Variants in ANKS1B observed in about 807,000 individuals in gnomAD.
ANKS1B encodes the protein ankyrin repeat and sterile alpha motif domain-containing protein 1B.
ANKS1B carries 36 observed loss-of-function variants against 148.3 expected under a neutral mutation model. That is an observed-to-expected ratio of 0.24 (90% confidence interval 0.19 to 0.32). The LOEUF is 0.32. Among genes scored for constraint, ANKS1B ranks in the 10% least tolerant of loss-of-function variants. ANKS1B has a pLI of 1.00. For synonymous variants in ANKS1B, 542 were observed against 560.8 expected (o/e 0.97, Z 0.47); for missense variants, 1,157 against 1,542.6 (o/e 0.75, Z 4.19).
At chr12:99,564,819 T>C (rs575078938) in intron 9 of ANKS1B, among the ~76,000 whole-genome samples, 1 of 152,266 alleles carries the variant, frequency 6.6e-6, no homozygotes, top group East Asian at 1.9e-4. Context: ...TTACATTCAT[T>C]ACCACTGCTT....
At chr12:99,899,805 C>T (rs1030414579) in intron 1 of ANKS1B, among the ~76,000 whole-genome samples, 94 of 152,138 alleles carry the variant, frequency 6.2e-4, no homozygotes, top group East Asian at 3.9e-3. Context: ...ATAATCTACC[C>T]TCAGGGAATT....
intron 10 of ANKS1B, among the ~76,000 whole-genome samples, chr12:99,464,487 C>T (rs1373917792): frequency 6.6e-6 from 1 of 152,076 alleles, no homozygotes; most frequent in African/African-American, 2.4e-5. Flanking sequence ...GACGATCAAA[C>T]TACTCCAAGC....
At chr12:98,747,973 G>A (rs1229825257) in intron 26 of ANKS1B, among the ~76,000 whole-genome samples, 1 of 152,200 alleles carries the variant, frequency 6.6e-6, no homozygotes, top group African/African-American at 2.4e-5. Context: ...TAGGGATGAA[G>A]AGAGATTGGT....
chr12:99,602,392 G>A (rs1279706838), intron 9 of ANKS1B, among the ~76,000 whole-genome samples: 1 of 152,074 alleles, frequency 6.6e-6, no homozygotes, highest in Non-Finnish European at 1.5e-5. Context: ...TATGGTGTGA[G>A]TAATCAGATA....
chr12:99,669,955 G>A (rs2098528696), intron 8 of ANKS1B, among the ~76,000 whole-genome samples: 1 of 152,010 alleles, frequency 6.6e-6, no homozygotes, highest in African/African-American at 2.4e-5. Context: ...TTTCTATTAG[G>A]GATCACAGTC....
At chr12:99,146,454 G>C (rs769555612) in intron 15 of ANKS1B, among the ~76,000 whole-genome samples, 1 of 152,100 alleles carries the variant, frequency 6.6e-6, no homozygotes, top group Non-Finnish European at 1.5e-5. Context: ...AGGTGAAGAA[G>C]GAAGAAAAAG....
At chr12:99,135,642 CA>C (rs1279251961) in intron 15 of ANKS1B, among the ~76,000 whole-genome samples, 3 of 152,176 alleles carry the variant, frequency 2.0e-5, no homozygotes, top group African/African-American at 7.2e-5. Flanking sequence ...CATACTAAGC[CA>C]CGCTATTAAT....
chr12:99,533,656 G>A (rs1386471311), intron 9 of ANKS1B, among the ~76,000 whole-genome samples: 1 of 152,092 alleles, frequency 6.6e-6, no homozygotes, highest in Non-Finnish European at 1.5e-5. Context: ...TCAGTATGAT[G>A]TTGGCTGTGG....
intron 11 of ANKS1B, among the ~76,000 whole-genome samples, chr12:99,439,654 C>T (rs894316419): frequency 2.6e-5 from 4 of 151,474 alleles, no homozygotes; most frequent in Non-Finnish European, 5.9e-5. Context: ...GTTTAAAAGG[C>T]GAGAATGTGG....
At chr12:98,888,326 T>A (rs2152612166) in intron 17 of ANKS1B, among the ~76,000 whole-genome samples, 1 of 152,342 alleles carries the variant, frequency 6.6e-6, no homozygotes, top group Middle Eastern at 3.4e-3. Flanking sequence ...TCATTCCACA[T>A]CTCTCCCTTT....
chr12:99,654,068 A>G (rs1244842361), intron 9 of ANKS1B, among the ~76,000 whole-genome samples: 1 of 152,210 alleles, frequency 6.6e-6, no homozygotes, highest in East Asian at 1.9e-4. Context: ...TGTATTTACA[A>G]CAATTCTGTA....
At chr12:98,843,664 G>T (rs2099424420) in intron 17 of ANKS1B, among the ~76,000 whole-genome samples, 1 of 152,180 alleles carries the variant, frequency 6.6e-6, no homozygotes, top group Non-Finnish European at 1.5e-5. Flanking sequence ...AGTTTAATCG[G>T]TGATACTGAA....
intron 9 of ANKS1B, chr12:99,648,413 T>G: frequency 6.2e-7 from 1 of 1,614,148 alleles, no homozygotes; most frequent in Non-Finnish European, 8.5e-7. Context: ...AGCCCCTGCC[T>G]CACACTACCT....
chr12:98,804,197 C>A (rs1002750200), intron 20 of ANKS1B, among the ~76,000 whole-genome samples: 3 of 152,152 alleles, frequency 2.0e-5, no homozygotes, highest in African/African-American at 7.2e-5. Context: ...ATTTCATTTT[C>A]TTTGTGGCCT....
chr12:99,419,048 A>AT (rs2095001013), intron 11 of ANKS1B, among the ~76,000 whole-genome samples: 2 of 152,078 alleles, frequency 1.3e-5, no homozygotes, highest in African/African-American at 4.8e-5. Context: ...TTTGTTAGGA[A>AT]TTTTTTGTCT....
At chr12:99,399,548 C>G in intron 12 of ANKS1B, 83 bp downstream of exon 12, 2 of 1,432,794 alleles carry the variant, frequency 1.4e-6, no homozygotes, top group South Asian at 1.3e-5. Context: ...GCAATTTGTA[C>G]GAAGACTCCT....
chr12:99,395,060 T>C (rs532795286), intron 12 of ANKS1B, among the ~76,000 whole-genome samples: 4 of 152,302 alleles, frequency 2.6e-5, no homozygotes, highest in Admixed American at 2.0e-4. Flanking sequence ...GAAATTCCAT[T>C]GGATCTGCCT....
At chr12:99,294,148 A>G (rs192972459) in intron 12 of ANKS1B, among the ~76,000 whole-genome samples, 2 of 152,358 alleles carry the variant, frequency 1.3e-5, no homozygotes, top group East Asian at 1.9e-4. Flanking sequence ...TAGAACCACC[A>G]TATGTTCCAG....
chr12:99,215,478 C>T (rs930094967), intron 14 of ANKS1B, among the ~76,000 whole-genome samples: 1 of 152,206 alleles, frequency 6.6e-6, no homozygotes, highest in African/African-American at 2.4e-5. Context: ...AACCCACAGA[C>T]ATTCAACACC....
Sources: gnomAD v4.1 joint callset for allele counts (sites outside exome capture counted in the v4.1 genomes callset) on GRCh38, gnomAD v4.1.1 for gene constraint, MANE v1.5 for transcripts, NCBI Gene and HGNC (gene_info 2026-07-23, HGNC 2026-07-21) for gene names.